Variants in PLCB1 observed in about 807,000 individuals in gnomAD.
PLCB1 encodes 1-phosphatidylinositol 4,5-bisphosphate phosphodiesterase beta-1.
Under a neutral mutation model 161.8 loss-of-function variants are expected in PLCB1, and 46 were observed. The ratio of observed to expected loss-of-function variants is 0.28; its 90% CI spans 0.22 to 0.36. PLCB1 has a LOEUF of 0.36. Among genes scored for constraint, PLCB1 ranks in the 10% least tolerant of loss-of-function variants. The pLI is 1.00. For synonymous variants in PLCB1, 517 were observed against 503.7 expected, an observed-to-expected ratio of 1.03 and a Z score of -0.35; for missense variants, 1,016 against 1,472.5, an observed-to-expected ratio of 0.69 and a Z score of 5.07.
chr20:8,256,959 T>C (rs1981452563), intron 2 of PLCB1: 1 of 152,208 alleles, frequency 6.6e-6, no homozygotes, highest in South Asian at 2.1e-4. Context: ...TCTGGGAGCA[T>C]TGTGAATCTT....
At chr20:8,473,348 ATAAT>A (rs1982137591) in intron 3 of PLCB1, among the ~76,000 whole-genome samples, 1 of 152,226 alleles carries the variant, frequency 6.6e-6, no homozygotes, top group Non-Finnish European at 1.5e-5. Flanking sequence ...TCTTAGGCTA[ATAAT>A]TAATATATCC....
Position 8,479,004 on chromosome 20 carries a change from G to T in PLCB1, c.246+107554G>T, listed in dbSNP as rs550498322. The stretch of plus-strand genomic sequence containing the variant: ...TAGATAATTACTATGTGAAATTTTC[G>T]TTGTCATTAATTCTTCATTGTGGCA... On this transcript the variant is annotated intron_variant, in intron 3 of 31. Transcript: ENST00000338037. Among the ~76,000 whole-genome samples, 4 of 152,084 alleles carry T rather than the reference G, an allele frequency of 2.6e-5. 1 individual carries two copies. The South Asian group carries it at 8.3e-4, about 32-fold the overall frequency.
At chr20:8,228,279 T>G (rs984226404) in intron 2 of PLCB1, among the ~76,000 whole-genome samples, 1 of 152,162 alleles carries the variant, frequency 6.6e-6, no homozygotes, top group African/African-American at 2.4e-5. Flanking sequence ...CAGCACTGAT[T>G]ATTCATACAA....
intron 4 of PLCB1, among the ~76,000 whole-genome samples, chr20:8,644,161 G>T (rs1157366542): frequency 2.6e-5 from 4 of 152,140 alleles, no homozygotes; most frequent in African/African-American, 9.7e-5. Flanking sequence ...CCACCTCCCA[G>T]CCGCCTGCCT....
chr20:8,269,279 C>G (rs1033531746), intron 2 of PLCB1, among the ~76,000 whole-genome samples: 5 of 152,062 alleles, frequency 3.3e-5, no homozygotes, highest in Admixed American at 1.3e-4. Context: ...GTTCCCCTCC[C>G]TGTGTCCATG....
intron 31 of PLCB1, among the ~76,000 whole-genome samples, chr20:8,801,228 A>C (rs1253232712): frequency 6.6e-6 from 1 of 152,002 alleles, no homozygotes; most frequent in African/African-American, 2.4e-5. Flanking sequence ...CTCATCTCCC[A>C]AGTGTCTGTT....
At chr20:8,382,661 G>C (rs1987295841) in intron 3 of PLCB1, among the ~76,000 whole-genome samples, 2 of 147,070 alleles carry the variant, frequency 1.4e-5, no homozygotes, top group Non-Finnish European at 3.0e-5. Flanking sequence ...CCATTCTCCT[G>C]CCTCAGCCTC....
intron 4 of PLCB1, among the ~76,000 whole-genome samples, chr20:8,638,434 C>T (rs559446417): frequency 6.6e-6 from 1 of 152,088 alleles, no homozygotes; most frequent in African/African-American, 2.4e-5. Context: ...AGATTTAAAG[C>T]CTCCTCAATC....
intron 3 of PLCB1, among the ~76,000 whole-genome samples, chr20:8,411,100 C>T (rs1436294304): frequency 1.3e-5 from 2 of 152,322 alleles, no homozygotes; most frequent in East Asian, 3.9e-4. Flanking sequence ...GAATCTAATA[C>T]ATTGAAAGAG....
chr20:8,448,691 A>T (rs227133), intron 3 of PLCB1, among the ~76,000 whole-genome samples: 1 of 152,010 alleles, frequency 6.6e-6, no homozygotes, highest in Non-Finnish European at 1.5e-5. Flanking sequence ...AAAAAGGAGA[A>T]TCCTTTCTAC....
chr20:8,711,370 C>G (rs1600268427), intron 12 of PLCB1, among the ~76,000 whole-genome samples: 1 of 152,330 alleles, frequency 6.6e-6, no homozygotes, highest in Non-Finnish European at 1.5e-5. Context: ...ATTTAGAGAT[C>G]AAAAACTGGA....
At chr20:8,276,632 G>A (rs902985671) in intron 2 of PLCB1, among the ~76,000 whole-genome samples, 4 of 152,098 alleles carry the variant, frequency 2.6e-5, no homozygotes, top group Non-Finnish European at 5.9e-5. Context: ...TCTATTGGTT[G>A]TCCAAAGCTC....
At chr20:8,195,257 T>G (rs1040719655) in intron 2 of PLCB1, among the ~76,000 whole-genome samples, 1 of 151,984 alleles carries the variant, frequency 6.6e-6, no homozygotes, top group Admixed American at 6.6e-5. Context: ...TATAGCAGTT[T>G]GTCTTTATGT....
chr20:8,443,563 G>T (rs116524242), intron 3 of PLCB1, among the ~76,000 whole-genome samples: 1 of 152,112 alleles, frequency 6.6e-6, no homozygotes, highest in Non-Finnish European at 1.5e-5. Flanking sequence ...GGATCTCCAG[G>T]GTTTTCTTTC....
chr20:8,196,940 T>C (rs2052031475), intron 2 of PLCB1, among the ~76,000 whole-genome samples: 1 of 151,986 alleles, frequency 6.6e-6, no homozygotes, highest in Admixed American at 6.6e-5. Flanking sequence ...GTCCTTGAGA[T>C]AGTTTGCTGA....
chr20:8,173,334 A>C lies in PLCB1; in HGVS notation c.177+22963A>C, dbSNP rs927696832. Among the ~76,000 whole-genome samples the C allele has an allele frequency of 2.6e-5, 4 of 152,166 alleles. No individual in the cohort carries two copies. In the East Asian group the frequency reaches 7.7e-4, roughly 29 times the overall value. ...AGATGCTATTCTCTCACCAAGAGACACTGTAGGGTCAGACTGAAAAAAACC... is the reference window on the plus strand; with the variant it reads ...AGATGCTATTCTCTCACCAAGAGACCCTGTAGGGTCAGACTGAAAAAAACC... On this transcript the variant is annotated intron_variant, in intron 2 of 31. Transcript: ENST00000338037.
Position 8,539,664 on chromosome 20 carries a change from C to CTTTCTTTCTTTCTTTT in PLCB1, c.247-88615_247-88614insTTTTCTTTCTTTCTTT, listed in dbSNP as rs1568499502. Among the ~76,000 whole-genome samples the CTTTCTTTCTTTCTTTT allele has an allele frequency of 4.0e-4, 38 of 93,836 alleles. 2 individuals are homozygous for CTTTCTTTCTTTCTTTT. The highest frequency in any genetic ancestry group is 1.6e-3 in the African/African-American group (36 of 23,032). The allele number at this position is 93,836 out of a possible 152,430, so 61.6% of individuals were successfully genotyped here. A position where few individuals can be genotyped will look rare whatever the true frequency, so the allele number is the denominator to read the frequency against. ...TCTTTCTTTCTTTCTTTCTTTCTTT[C>CTTTCTTTCTTTCTTTT]TTTCTTTCTTTCTTTCTTTCTTTTT... On this transcript the variant is annotated intron_variant, in intron 3 of 31. Transcript: ENST00000338037.
At chr20:8,857,923 G>A (rs1249114752) in intron 31 of PLCB1, among the ~76,000 whole-genome samples, 1 of 151,976 alleles carries the variant, frequency 6.6e-6, no homozygotes. Context: ...TTTCAATTGA[G>A]TGATTGGTCT....
chr20:8,431,518 A>G (rs1450729772), intron 3 of PLCB1, among the ~76,000 whole-genome samples: 1 of 152,214 alleles, frequency 6.6e-6, no homozygotes, highest in Non-Finnish European at 1.5e-5. Context: ...TATTCCCAAT[A>G]AGGTTTGCCA....
Sources: gnomAD v4.1 joint callset for allele counts (sites outside exome capture counted in the v4.1 genomes callset) on GRCh38, gnomAD v4.1.1 for gene constraint, MANE v1.5 for transcripts, NCBI Gene and HGNC (gene_info 2026-07-23, HGNC 2026-07-21) for gene names.